The following RFTN1 variants were observed in gnomAD, a reference collection of about 807,000 sequenced individuals.
RFTN1 encodes the protein raftlin.
Under a neutral mutation model 46.5 loss-of-function variants are expected in RFTN1, and 26 were observed. The observed-to-expected ratio is 0.56, with a 90% CI of 0.41 to 0.78. The LOEUF is 0.78. Among genes scored for constraint, RFTN1 ranks in the 30% least tolerant of loss-of-function variants. RFTN1 has a pLI of 0.00. For synonymous variants in RFTN1, 261 were observed against 284.2 expected (o/e 0.92, Z 0.82); for missense variants, 693 against 718.7 (o/e 0.96, Z 0.41).
chr3:16,413,677 C>A lies in RFTN1; in HGVS notation c.333-4194G>T, dbSNP rs1422707696. 2.0e-5 allele frequency among the ~76,000 whole-genome samples: 3 copies of A among 152,182 alleles called. No individual in the cohort carries two copies. Among genetic ancestry groups the A allele is most frequent in the African/African-American group, 7.2e-5 (3 of 41,434 alleles). On this transcript the variant is annotated intron_variant, in intron 3 of 9. Transcript: ENST00000334133. This position sits in a 1 kb window ranked among gnomAD's most constrained non-coding sequence, Gnocchi z 4.7. ...AACTAACAGCAAAAGCCCCCCCAAC[C>A]TACTTTATCTGGAAATTAACACTAA...
At position 16,316,718 on chromosome 3, in the gene RFTN1, C is replaced by A. The variant is rs1195460675; in HGVS notation, c.*110G>T. 1 of 1,363,348 alleles carries A rather than the reference C, an allele frequency of 7.3e-7. No homozygotes were observed. The highest frequency in any genetic ancestry group is 1.0e-6 in the Non-Finnish European group (1 of 967,228). 84.5% of individuals were successfully genotyped at this position (1,363,348 alleles called of 1,614,324 possible). On this transcript the variant is annotated 3_prime_UTR_variant, in exon 10 of 10. Transcript: ENST00000334133. The surrounding 1 kb of genome is among the most constrained non-coding windows in gnomAD (Gnocchi z 4.5). The stretch of plus-strand genomic sequence containing the variant: ...GCTCACAAGGAGAGGTCAAGCCAAG[C>A]CAAAGGGTAGGTAACACACAACACC...
intron 4 of RFTN1, among the ~76,000 whole-genome samples, chr3:16,399,343 T>A (rs2074549052): frequency 6.6e-6 from 1 of 152,174 alleles, no homozygotes; most frequent in Non-Finnish European, 1.5e-5. Context: ...ATAGGATAAA[T>A]GGCAGCGGTT....
intron 2 of RFTN1, among the ~76,000 whole-genome samples, chr3:16,469,811 G>C (rs1403336900): frequency 6.6e-6 from 1 of 152,196 alleles, no homozygotes; most frequent in Non-Finnish European, 1.5e-5. Flanking sequence ...TCAACCCCAG[G>C]GGAAGATAGG....
Position 16,329,794 on chromosome 3 carries a change from A to G in RFTN1, c.1147-2918T>C, listed in dbSNP as rs901289446. Among the ~76,000 whole-genome samples, 2 of 152,210 alleles carry G rather than the reference A, an allele frequency of 1.3e-5. No individual in the cohort carries two copies. Among genetic ancestry groups the G allele is most frequent in the Non-Finnish European group, 2.9e-5 (2 of 68,032 alleles). On this transcript the variant is annotated intron_variant, in intron 7 of 9. Coordinates refer to ENST00000334133, the MANE Select transcript of RFTN1 (RefSeq NM_015150.2). The surrounding 1 kb of genome is among the most constrained non-coding windows in gnomAD (Gnocchi z 4.5). ...TCAAGCACTGTGACAAACCCGCCACAATCAGACAGTAGCCATGGCAACCAG... is the reference window on the plus strand; with the variant it reads ...TCAAGCACTGTGACAAACCCGCCACGATCAGACAGTAGCCATGGCAACCAG...
intron 2 of RFTN1, among the ~76,000 whole-genome samples, chr3:16,436,618 C>T (rs1337773969): frequency 6.6e-6 from 1 of 152,032 alleles, no homozygotes; most frequent in African/African-American, 2.4e-5. Flanking sequence ...AATCTTTTAT[C>T]GATTTGGAAT....
intron 3 of RFTN1, among the ~76,000 whole-genome samples, chr3:16,423,972 T>G (rs1046517005): frequency 6.6e-6 from 1 of 152,142 alleles, no homozygotes; most frequent in Admixed American, 6.5e-5. Context: ...CATATAATCA[T>G]TTGGTGCAGA....
At chr3:16,404,504 C>T (rs1055306034) in intron 4 of RFTN1, among the ~76,000 whole-genome samples, 22 of 144,470 alleles carry the variant, frequency 1.5e-4, no homozygotes, top group African/African-American at 5.4e-4. Context: ...ACAGTAAACC[C>T]GCCTGACTCA....
At chr3:16,409,034 G>A (rs2074926020) in intron 4 of RFTN1, among the ~76,000 whole-genome samples, 1 of 152,182 alleles carries the variant, frequency 6.6e-6, no homozygotes, top group Admixed American at 6.5e-5. Context: ...CGGCAATGAA[G>A]ACCCATAGAT....
At chr3:16,372,270 A>G (rs1279143966) in intron 5 of RFTN1, among the ~76,000 whole-genome samples, 1 of 152,192 alleles carries the variant, frequency 6.6e-6, no homozygotes, top group African/African-American at 2.4e-5. Flanking sequence ...CTCAATCCCA[A>G]CAAGGACCCT....
chr3:16,345,788 C>G lies in RFTN1; in HGVS notation c.1146+12144G>C, dbSNP rs189038088. 0.035 allele frequency among the ~76,000 whole-genome samples: 4,437 copies of G among 127,214 alleles called. 108 individuals carry two copies. Among genetic ancestry groups the G allele is most frequent in the Middle Eastern group, 0.11 (26 of 238 alleles). 83.5% of individuals were successfully genotyped at this position (127,214 alleles called of 152,430 possible). ...TGAGCCAAAACCTTATAATAAATCT[C>G]TGTGTGTGTGTGTGTGTGTGTGTGT... On this transcript the variant is annotated intron_variant, in intron 7 of 9. Transcript: ENST00000334133. The surrounding 1 kb of genome is among the most constrained non-coding windows in gnomAD (Gnocchi z 5.2).
chr3:16,346,596 AC>A lies in RFTN1; in HGVS notation c.1146+11335del, dbSNP rs979753764. 1.3e-5 allele frequency among the ~76,000 whole-genome samples: 2 copies of A among 151,582 alleles called. No homozygotes were observed. Among genetic ancestry groups the A allele is most frequent in the Non-Finnish European group, 2.9e-5 (2 of 67,916 alleles). On this transcript the variant is annotated intron_variant, in intron 7 of 9. Coordinates refer to ENST00000334133, the MANE Select transcript of RFTN1 (RefSeq NM_015150.2). This position sits in a 1 kb window ranked among gnomAD's most constrained non-coding sequence, Gnocchi z 4.4. ...GGCCCAGGGCTTCTTCCTCACTGAC[AC>A]CCCCCAGGCCTGGACAACCATGACT... is the stretch of plus-strand genomic sequence containing the variant.
At chr3:16,431,765 G>C (rs1291917820) in intron 3 of RFTN1, among the ~76,000 whole-genome samples, 1 of 152,144 alleles carries the variant, frequency 6.6e-6, no homozygotes, top group East Asian at 1.9e-4. Flanking sequence ...GACTACTGAG[G>C]GGTAAAATGG....
rs544494694 is a variant in RFTN1, at chr3:16,357,843, T to G, written c.1146+89A>C. 1.4e-5 allele frequency: 11 copies of G among 812,306 alleles called. No individual in the cohort carries two copies. The East Asian group carries it at 2.5e-4, about 18-fold the overall frequency. The allele number at this position is 812,306 out of a possible 1,614,324, so 50.3% of individuals were successfully genotyped here. ...CTCCCTCTCAGAAGAAAGCCACAGCTGAGCCACAGCCCCACGGTCAGATCA... is the reference window on the plus strand; with the variant it reads ...CTCCCTCTCAGAAGAAAGCCACAGCGGAGCCACAGCCCCACGGTCAGATCA... On this transcript the variant is annotated intron_variant, in intron 7 of 9. Transcript: ENST00000334133.
In RFTN1 at chr3:16,473,842, G is replaced by C. The variant is rs534683705; in HGVS notation, c.145+19883C>G. Among the ~76,000 whole-genome samples the C allele has an allele frequency of 6.6e-6, 1 of 152,166 alleles. No homozygotes were observed. Among genetic ancestry groups the C allele is most frequent in the Non-Finnish European group, 1.5e-5 (1 of 68,026 alleles). ...CTCCCTATCCTTCCCTGTCCTAGAA[G>C]CACGAAACCTACCTCTCCGGGCTGC... On this transcript the variant is annotated intron_variant, in intron 2 of 9. Transcript: ENST00000334133. The surrounding 1 kb of genome is among the most constrained non-coding windows in gnomAD (Gnocchi z 5.3).
At chr3:16,358,430 G>GT (rs11456149) in intron 6 of RFTN1, among the ~76,000 whole-genome samples, 73,850 of 149,088 alleles carry the variant, frequency 0.5, 18,890 homozygotes, top group East Asian at 0.57. Context: ...TTAGGTGAGG[G>GT]TTTTTTTTTT....
rs909531810 is a variant in RFTN1 at position 16,473,811 on chromosome 3, C to T, written c.145+19914G>A. Among the ~76,000 whole-genome samples the T allele has an allele frequency of 6.6e-6, 1 of 152,186 alleles. No individual in the cohort carries two copies. The highest frequency in any genetic ancestry group is 2.4e-5 in the African/African-American group (1 of 41,438). On this transcript the variant is annotated intron_variant, in intron 2 of 9. Transcript: ENST00000334133. This position sits in a 1 kb window ranked among gnomAD's most constrained non-coding sequence, Gnocchi z 5.3. ...AGACGGAGAGTCCCTCAAAGTCCTC[C>T]CACTTCTCCCTATCCTTCCCTGTCC...
intron 5 of RFTN1, among the ~76,000 whole-genome samples, chr3:16,377,013 G>A (rs532702589): frequency 4.6e-5 from 7 of 152,178 alleles, no homozygotes; most frequent in African/African-American, 1.7e-4. Flanking sequence ...CATGGCTTAT[G>A]TAAGTACCTT....
At position 16,452,333 on chromosome 3, in the gene RFTN1, A is replaced by G. The variant is rs2075834195; in HGVS notation, c.146-18296T>C. On this transcript the variant is annotated intron_variant, in intron 2 of 9. Coordinates refer to ENST00000334133, the MANE Select transcript of RFTN1 (RefSeq NM_015150.2). The surrounding 1 kb of genome is among the most constrained non-coding windows in gnomAD (Gnocchi z 6.3). Reference sequence around the variant, plus strand: ...AAGGATATAATAGAAGGCGAAGGGAAAAGTAATTTTAAAATGTGCGGGGTT... The same window carrying G: ...AAGGATATAATAGAAGGCGAAGGGAGAAGTAATTTTAAAATGTGCGGGGTT... 6.6e-6 allele frequency among the ~76,000 whole-genome samples: 1 copy of G among 152,212 alleles called. No individual in the cohort carries two copies. The highest frequency in any genetic ancestry group is 1.5e-5 in the Non-Finnish European group (1 of 68,044).
Position 16,329,713 on chromosome 3 carries a change from C to T in RFTN1, c.1147-2837G>A, listed in dbSNP as rs976776984. On this transcript the variant is annotated intron_variant, in intron 7 of 9. Transcript: ENST00000334133. The surrounding 1 kb of genome is among the most constrained non-coding windows in gnomAD (Gnocchi z 4.5). ...AAAACCAATTTTAAATCCACACTCTCAAGCTTTGCGAGGTTATGATTACTT... is the reference window on the plus strand; with the variant it reads ...AAAACCAATTTTAAATCCACACTCTTAAGCTTTGCGAGGTTATGATTACTT... Among the ~76,000 whole-genome samples, 5 of 152,132 alleles carry T rather than the reference C, an allele frequency of 3.3e-5. No individual in the cohort carries two copies. The highest frequency in any genetic ancestry group is 1.2e-4 in the African/African-American group (5 of 41,430).
Sources: allele counts gnomAD v4.1 joint callset (sites outside exome capture counted in the v4.1 genomes callset), GRCh38; gene constraint gnomAD v4.1.1; non-coding constraint Gnocchi (gnomAD v3.1); transcripts MANE v1.5; gene names NCBI Gene and HGNC (gene_info 2026-07-23, HGNC 2026-07-21).